Variants in L3MBTL4 observed in about 807,000 individuals in gnomAD.
L3MBTL4 encodes lethal(3)malignant brain tumor-like protein 4.
In L3MBTL4, 70 loss-of-function variants were observed where a neutral mutation model predicts 84.5. The observed-to-expected ratio is 0.83, with a 90% CI of 0.68 to 1.01. L3MBTL4 has a LOEUF of 1.01. Among genes scored for constraint, L3MBTL4 ranks in the 50% least tolerant of loss-of-function variants. The pLI, the probability that L3MBTL4 is intolerant of heterozygous loss-of-function variation, is 0.00. For missense variants in L3MBTL4, 715 were observed against 754.8 expected (o/e 0.95, Z 0.62); for synonymous variants, 274 against 259.8 (o/e 1.05, Z -0.52).
intron 16 of L3MBTL4, among the ~76,000 whole-genome samples, chr18:6,007,837 C>T (rs2145349146): frequency 6.6e-6 from 1 of 152,170 alleles, no homozygotes; most frequent in East Asian, 1.9e-4. Context: ...ACAGGATATA[C>T]TGTTATGTGA....
chr18:6,279,568 A>G (rs2146563773), intron 4 of L3MBTL4, among the ~76,000 whole-genome samples: 1 of 152,320 alleles, frequency 6.6e-6, no homozygotes, highest in Non-Finnish European at 1.5e-5. Context: ...GTGATGGTGA[A>G]GTCTGCAGTA....
chr18:5,963,938 G>T (rs1330543210), intron 17 of L3MBTL4, among the ~76,000 whole-genome samples: 1 of 152,254 alleles, frequency 6.6e-6, no homozygotes, highest in African/African-American at 2.4e-5. Flanking sequence ...TGCACCCACA[G>T]AAGCCATGGC....
intron 14 of L3MBTL4, among the ~76,000 whole-genome samples, chr18:6,094,212 AG>A (rs1450247605): frequency 4.6e-5 from 7 of 152,186 alleles, no homozygotes; most frequent in Non-Finnish European, 8.8e-5. Context: ...TTCCTTCTGC[AG>A]GCTGATGGGC....
At chr18:6,043,696 G>C (rs1273373232) in intron 16 of L3MBTL4, among the ~76,000 whole-genome samples, 2 of 152,138 alleles carry the variant, frequency 1.3e-5, no homozygotes, top group African/African-American at 2.4e-5. Flanking sequence ...TTCGATACCT[G>C]GTTTGGGTAA....
At chr18:6,244,994 C>T (rs576241113) in intron 5 of L3MBTL4, among the ~76,000 whole-genome samples, 6 of 152,274 alleles carry the variant, frequency 3.9e-5, no homozygotes, top group African/African-American at 1.4e-4. Flanking sequence ...ACTGCAACCT[C>T]CACCTCCCGG....
intron 14 of L3MBTL4, among the ~76,000 whole-genome samples, chr18:6,135,517 G>C (rs2060004138): frequency 6.6e-6 from 1 of 152,166 alleles, no homozygotes; most frequent in African/African-American, 2.4e-5. Flanking sequence ...ATGCTTTGCT[G>C]CTTAGAAATT....
At chr18:5,988,016 T>C (rs1426166108) in intron 16 of L3MBTL4, among the ~76,000 whole-genome samples, 1 of 152,230 alleles carries the variant, frequency 6.6e-6, no homozygotes, top group African/African-American at 2.4e-5. Flanking sequence ...TAAAACACTG[T>C]AAGTTATTAG....
intron 3 of L3MBTL4, 76 bp from the exon 4 acceptor site, chr18:6,302,033 T>C: frequency 8.3e-7 from 1 of 1,197,712 alleles, no homozygotes; most frequent in Non-Finnish European, 1.3e-6. Flanking sequence ...TGTTCCTTTT[T>C]GCAGGAAGGA....
chr18:6,123,827 T>C (rs986196938), intron 14 of L3MBTL4, among the ~76,000 whole-genome samples: 14 of 152,344 alleles, frequency 9.2e-5, no homozygotes, highest in African/African-American at 3.4e-4. Context: ...AAATTACTTT[T>C]AGTTAAGGGC....
chr18:6,385,731 A>G (rs1484774582), intron 1 of L3MBTL4, among the ~76,000 whole-genome samples: 1 of 152,220 alleles, frequency 6.6e-6, no homozygotes, highest in Non-Finnish European at 1.5e-5. Context: ...TGATTGCCCA[A>G]CATTACTTTC....
chr18:6,371,101 T>C (rs1305685442), intron 1 of L3MBTL4, among the ~76,000 whole-genome samples: 3 of 152,162 alleles, frequency 2.0e-5, no homozygotes, highest in African/African-American at 7.2e-5. Context: ...TTGAGGGTCA[T>C]AGTCCCTGCG....
chr18:6,234,744 T>C (rs1316321756), intron 10 of L3MBTL4, among the ~76,000 whole-genome samples: 1 of 152,216 alleles, frequency 6.6e-6, no homozygotes, highest in African/African-American at 2.4e-5. Flanking sequence ...TCAACCATTG[T>C]GGAAGACAGT....
intron 16 of L3MBTL4, among the ~76,000 whole-genome samples, chr18:6,063,299 CTGTGTGTGTG>C (rs61413638): frequency 4.2e-5 from 6 of 141,246 alleles, no homozygotes; most frequent in Middle Eastern, 3.5e-3. Context: ...CTATAAATAT[CTGTGTGTGTG>C]TGTGTGTGTG....
intron 12 of L3MBTL4, among the ~76,000 whole-genome samples, chr18:6,200,815 T>C (rs1237788008): frequency 6.6e-6 from 1 of 152,230 alleles, no homozygotes; most frequent in Non-Finnish European, 1.5e-5. Context: ...AATTCAATTT[T>C]CTATGTGATG....
At chr18:5,975,583 G>C (rs1458429490) in intron 16 of L3MBTL4, among the ~76,000 whole-genome samples, 1 of 152,228 alleles carries the variant, frequency 6.6e-6, no homozygotes, top group African/African-American at 2.4e-5. Flanking sequence ...CTCATGCCCT[G>C]CGTACTGAAC....
At chr18:6,377,026 T>G (rs1175570870) in intron 1 of L3MBTL4, among the ~76,000 whole-genome samples, 1 of 151,996 alleles carries the variant, frequency 6.6e-6, no homozygotes, top group Non-Finnish European at 1.5e-5. Flanking sequence ...CAAATAAAGC[T>G]TTGGAGGAGG....
At chr18:6,035,632 G>C (rs1166898352) in intron 16 of L3MBTL4, among the ~76,000 whole-genome samples, 1 of 152,148 alleles carries the variant, frequency 6.6e-6, no homozygotes, top group Non-Finnish European at 1.5e-5. Flanking sequence ...GGTGATGCAG[G>C]CTCTTTTTTG....
At chr18:6,317,029 T>TAAAG (rs1488321735) in intron 1 of L3MBTL4, among the ~76,000 whole-genome samples, 1 of 151,994 alleles carries the variant, frequency 6.6e-6, no homozygotes, top group South Asian at 2.1e-4. Flanking sequence ...AATAAATAAA[T>TAAAG]GCACACTGTG....
chr18:6,384,873 G>C (rs2054750474), intron 1 of L3MBTL4, among the ~76,000 whole-genome samples: 1 of 152,172 alleles, frequency 6.6e-6, no homozygotes, highest in South Asian at 2.1e-4. Flanking sequence ...AGAGCAAGAG[G>C]TATGCCATGT....
Sources: allele counts gnomAD v4.1 joint callset (sites outside exome capture counted in the v4.1 genomes callset), GRCh38; gene constraint gnomAD v4.1.1; transcripts MANE v1.5; gene names NCBI Gene and HGNC (gene_info 2026-07-23, HGNC 2026-07-21).